The following FAF1 variants were observed in gnomAD, a reference collection of about 807,000 sequenced individuals.
FAF1 encodes Fas associated factor 1, also known as FAS-associated factor 1.
Under a neutral mutation model 92.5 loss-of-function variants are expected in FAF1, and 25 were observed. The observed-to-expected ratio is 0.27, with a 90% confidence interval of 0.20 to 0.38. FAF1 has a LOEUF of 0.38. FAF1 is among the 10% of genes least tolerant of loss of function. The pLI is 1.00. For missense variants in FAF1, 636 were observed against 793.3 expected (o/e 0.80, Z 2.38); for synonymous variants, 234 against 273.2 (o/e 0.86, Z 1.42).
At chr1:50,934,477 C>T (rs971666218) in intron 1 of FAF1, among the ~76,000 whole-genome samples, 2 of 152,274 alleles carry the variant, frequency 1.3e-5, no homozygotes. Context: ...AATTCTAGCA[C>T]TTTGGGAGGC....
chr1:50,539,626 C>T lies in FAF1; in HGVS notation c.1371G>A (p.Lys457=), dbSNP rs200154325. 4.2e-5 allele frequency: 68 copies of T among 1,613,042 alleles called. No homozygotes were observed. Among genetic ancestry groups the T allele is most frequent in the African/African-American group, 2.0e-4 (15 of 75,006 alleles). The part of the protein sequence containing the change: ...QFPLFLIIMG[K]RSSNEVLNVI... ...CATTCAACACTTCATTAGATGATCG[C>T]TTTCCCATAATAATCAGGAAAAGCG... Residue 457 remains lysine (K), a synonymous_variant, in exon 14 of 19, where the codon AAG becomes AAA. Transcript: ENST00000396153.
chr1:50,847,907 C>A (rs1644315675), intron 2 of FAF1, among the ~76,000 whole-genome samples: 1 of 151,164 alleles, frequency 6.6e-6, no homozygotes, highest in Admixed American at 6.7e-5. Flanking sequence ...ACACACACAC[C>A]CCTCTAGGCA....
chr1:50,705,295 T>G (rs1005133147), intron 7 of FAF1, among the ~76,000 whole-genome samples: 1 of 152,236 alleles, frequency 6.6e-6, no homozygotes, highest in African/African-American at 2.4e-5. Context: ...TCTTCTCATA[T>G]TCTAAGCTAA....
chr1:50,923,519 C>A (rs1418497379), intron 1 of FAF1, among the ~76,000 whole-genome samples: 1 of 152,086 alleles, frequency 6.6e-6, no homozygotes, highest in Non-Finnish European at 1.5e-5. Context: ...AAAACTAGCA[C>A]CAACTCTTCT....
chr1:50,793,151 A>G (rs541486396), intron 3 of FAF1, among the ~76,000 whole-genome samples: 42 of 152,280 alleles, frequency 2.8e-4, no homozygotes, highest in South Asian at 8.3e-4. Flanking sequence ...ACTGTGGAGA[A>G]CCACAGTCAC....
chr1:50,819,925 T>G (rs534820061), intron 2 of FAF1, among the ~76,000 whole-genome samples: 1 of 149,352 alleles, frequency 6.7e-6, no homozygotes, highest in East Asian at 1.9e-4. Context: ...AATAAATATT[T>G]TTCCACTTTA....
chr1:50,508,983 C>A (rs1017545100), intron 15 of FAF1, among the ~76,000 whole-genome samples: 3 of 152,146 alleles, frequency 2.0e-5, no homozygotes, highest in Non-Finnish European at 4.4e-5. Flanking sequence ...GGATTACAGG[C>A]GTGAGCCACT....
intron 1 of FAF1, among the ~76,000 whole-genome samples, chr1:50,949,546 T>C (rs1413497283): frequency 6.6e-6 from 1 of 152,162 alleles, no homozygotes; most frequent in African/African-American, 2.4e-5. Flanking sequence ...CAAACTCTCC[T>C]AAAAGGAGCA....
Position 50,960,107 on chromosome 1 carries a change from G to A in FAF1, c.-296C>T, listed in dbSNP as rs951276536. On this transcript the variant is annotated 5_prime_UTR_variant, in exon 1 of 19. Coordinates refer to ENST00000396153, the MANE Select transcript of FAF1 (RefSeq NM_007051.3). ...ATGTGGGTCCGGTCTTACAGTCGCG[G>A]GCCAGGATGAGGGCAGGTTGCGACA... The A allele has an allele frequency of 7.7e-6, 3 of 387,580 alleles. No individual in the cohort carries two copies. The highest frequency in any genetic ancestry group is 6.2e-5 in the African/African-American group (3 of 48,140). The allele number at this position is 387,580 out of a possible 1,614,324, so 24.0% of individuals were successfully genotyped here. A position where few individuals can be genotyped will look rare whatever the true frequency, so the allele number is the denominator to read the frequency against.
intron 3 of FAF1, among the ~76,000 whole-genome samples, chr1:50,794,225 G>C (rs1259330897): frequency 6.6e-6 from 1 of 152,150 alleles, no homozygotes; most frequent in Non-Finnish European, 1.5e-5. Flanking sequence ...GCTGTACTTT[G>C]TATTTCCCAA....
chr1:50,592,774 C>T (rs541183083), intron 9 of FAF1, among the ~76,000 whole-genome samples: 22 of 152,130 alleles, frequency 1.4e-4, no homozygotes, highest in African/African-American at 4.6e-4. Context: ...ATGGCAAAAT[C>T]CTGTCTCTAC....
Position 50,583,646 on chromosome 1 carries a change from C to T in FAF1, c.1031+6G>A. On this transcript the variant is annotated splice_donor_region_variant and intron_variant, in intron 11 of 18. Coordinates refer to ENST00000396153, the MANE Select transcript of FAF1 (RefSeq NM_007051.3). The surrounding 1 kb of genome is among the most constrained non-coding windows in gnomAD (Gnocchi z 4.2). ...CAAATTTATATAGTTAATGTCCTAA[C>T]CCTACCTTGAAGAAAACTCTGCTGT... 6.4e-7 allele frequency: 1 copy of T among 1,561,868 alleles called. No homozygotes were observed. The highest frequency in any genetic ancestry group is 2.3e-5 in the East Asian group (1 of 44,244).
chr1:50,608,697 G>A (rs1652540713), intron 8 of FAF1, among the ~76,000 whole-genome samples: 1 of 152,146 alleles, frequency 6.6e-6, no homozygotes, highest in African/African-American at 2.4e-5. Flanking sequence ...CGAAGTATCT[G>A]GAAAAATGTG....
Position 50,926,674 on chromosome 1 carries a change from GT to G in FAF1, c.45+33092del, listed in dbSNP as rs1645008587. Among the ~76,000 whole-genome samples, 4 of 151,974 alleles carry G rather than the reference GT, an allele frequency of 2.6e-5. No individual in the cohort carries two copies. The South Asian group carries it at 8.3e-4, about 32-fold the overall frequency. Reference sequence around the variant, plus strand: ...ATTGCATATTCTTATGAAAACATCAGTTGTATCCCATAAGTATACACAATTA... The same window carrying G: ...ATTGCATATTCTTATGAAAACATCAGTGTATCCCATAAGTATACACAATTA... On this transcript the variant is annotated intron_variant, in intron 1 of 18. Transcript: ENST00000396153.
At chr1:50,871,595 T>C (rs1644528721) in intron 1 of FAF1, among the ~76,000 whole-genome samples, 1 of 152,188 alleles carries the variant, frequency 6.6e-6, no homozygotes, top group Non-Finnish European at 1.5e-5. Context: ...ACAGCACATC[T>C]CTTTACCATA....
At chr1:50,693,481 A>G (rs1657028836) in intron 7 of FAF1, among the ~76,000 whole-genome samples, 1 of 152,142 alleles carries the variant, frequency 6.6e-6, no homozygotes, top group Non-Finnish European at 1.5e-5. Flanking sequence ...ATGACATCAA[A>G]TTAGTACCAT....
intron 18 of FAF1, among the ~76,000 whole-genome samples, chr1:50,445,760 G>C (rs1304411132): frequency 6.6e-6 from 1 of 152,118 alleles, no homozygotes; most frequent in Non-Finnish European, 1.5e-5. Flanking sequence ...GCTTGATTTT[G>C]TCTATAGTTA....
chr1:50,715,714 G>A (rs1658139900), intron 6 of FAF1, among the ~76,000 whole-genome samples: 1 of 152,032 alleles, frequency 6.6e-6, no homozygotes, highest in Admixed American at 6.6e-5. Flanking sequence ...TATTTATCAG[G>A]AACAGAGAGG....
chr1:50,489,206 T>G (rs181484271), intron 17 of FAF1, among the ~76,000 whole-genome samples: 1 of 152,250 alleles, frequency 6.6e-6, no homozygotes, highest in Non-Finnish European at 1.5e-5. Flanking sequence ...TATCTTCTTA[T>G]AGGCAGAAAA....
Sources: gnomAD v4.1 joint callset for allele counts (sites outside exome capture counted in the v4.1 genomes callset) on GRCh38, gnomAD v4.1.1 for gene constraint, Gnocchi (gnomAD v3.1) non-coding constraint, MANE v1.5 for transcripts, NCBI Gene and HGNC (gene_info 2026-07-23, HGNC 2026-07-21) for gene names.